Variants in MRPL48 observed in about 807,000 individuals in gnomAD.
MRPL48 encodes the protein mitochondrial ribosomal protein L48.
Under a neutral mutation model 32.9 loss-of-function variants are expected in MRPL48, and 16 were observed. The ratio of observed to expected loss-of-function variants is 0.49; its 90% confidence interval spans 0.33 to 0.74. The LOEUF (loss-of-function observed/expected upper bound fraction) is 0.74, where lower values mean the gene tolerates loss of function less well. Among genes scored for constraint, MRPL48 ranks in the 30% least tolerant of loss-of-function variants. MRPL48 has a pLI of 0.02. For synonymous variants in MRPL48, 94 were observed against 89.2 expected, an observed-to-expected ratio of 1.05 and a Z score of -0.31; for missense variants, 206 against 245.3, an observed-to-expected ratio of 0.84 and a Z score of 1.07.
intron 5 of MRPL48, among the ~76,000 whole-genome samples, chr11:73,859,402 C>T (rs1948543508): frequency 6.6e-6 from 1 of 151,988 alleles, no homozygotes; most frequent in Admixed American, 6.6e-5. Flanking sequence ...CCACCTCAGC[C>T]TCCTGAGTAG....
chr11:73,806,277 C>T (rs907808634), intron 2 of MRPL48, among the ~76,000 whole-genome samples: 3 of 152,110 alleles, frequency 2.0e-5, no homozygotes, highest in Non-Finnish European at 2.9e-5. Flanking sequence ...TAATCTGTAT[C>T]CTCATTTTAT....
chr11:73,810,461 C>T (rs1238345702), intron 3 of MRPL48, among the ~76,000 whole-genome samples: 6 of 151,974 alleles, frequency 3.9e-5, no homozygotes, highest in Admixed American at 3.9e-4. Flanking sequence ...GCGGAGGTTG[C>T]AGTGAGCCGA....
At chr11:73,822,230 T>TACTCTGCTTTCAAGAATGCAG (rs2135002713) in intron 3 of MRPL48, among the ~76,000 whole-genome samples, 1 of 152,306 alleles carries the variant, frequency 6.6e-6, no homozygotes, top group African/African-American at 2.4e-5. Context: ...GGTAAACTCT[T>TACTCTGCTTTCAAGAATGCAG]ACTCTGCTTT....
chr11:73,860,318 T>G lies in MRPL48; in HGVS notation c.474+309T>G, dbSNP rs114137998. ...TCTACTGGCCTTCTCGACTTGGATG[T>G]TCCACAGGAGTCCTCCCTGCACTCT... On this transcript the variant is annotated intron_variant, in intron 6 of 7. Transcript: ENST00000310614. The G allele has an allele frequency of 4.0e-3, 879 of 217,788 alleles. 8 individuals carry two copies. Among genetic ancestry groups the G allele is most frequent in the African/African-American group, 0.018 (772 of 43,738 alleles). 13.5% of individuals were successfully genotyped at this position (217,788 alleles called of 1,614,324 possible). A position where few individuals can be genotyped will look rare whatever the true frequency, so the allele number is the denominator to read the frequency against.
At position 73,810,419 on chromosome 11, in the gene MRPL48, G is replaced by T. The variant is rs555153112; in HGVS notation, c.112+2069G>T. Among the ~76,000 whole-genome samples the T allele has an allele frequency of 4.9e-4, 75 of 152,298 alleles. 1 individual carries two copies. Among genetic ancestry groups the T allele is most frequent in the Middle Eastern group, 3.4e-3 (1 of 294 alleles). On this transcript the variant is annotated intron_variant, in intron 3 of 7. Coordinates refer to ENST00000310614, the MANE Select transcript of MRPL48 (RefSeq NM_016055.6). ...GCCTGTAATCCCAGCTACTCGGGAGGCTGAGGCAGGAGAACCGCTTGAACT... is the reference window on the plus strand; with the variant it reads ...GCCTGTAATCCCAGCTACTCGGGAGTCTGAGGCAGGAGAACCGCTTGAACT...
chr11:73,818,007 CTTG>C lies in MRPL48; in HGVS notation c.113-7696_113-7694del, dbSNP rs538589218. 5.7e-4 allele frequency: 91 copies of C among 159,044 alleles called. 1 individual carries two copies. The Middle Eastern group carries it at 9.4e-3, about 16-fold the overall frequency. The allele number at this position is 159,044 out of a possible 1,614,324, so 9.9% of individuals were successfully genotyped here. On this transcript the variant is annotated intron_variant, in intron 3 of 7. Coordinates refer to ENST00000310614, the MANE Select transcript of MRPL48 (RefSeq NM_016055.6). Reference sequence around the variant, plus strand: ...TTTAAATTTTTTGTGAAGACAGGGTCTTGTTGTGTTGCCTAGGCTGGTCTTGAT... The same window carrying C: ...TTTAAATTTTTTGTGAAGACAGGGTCTTGTGTTGCCTAGGCTGGTCTTGAT...
rs1477777302 is a variant in MRPL48 at position 73,790,027 on chromosome 11, C to T, written c.21+2035C>T. ...TCTTTTCACTCAGCCTCATGAGCAGCGGGGATTACAGGTGTACACCACCAT... is the reference window on the plus strand; with the variant it reads ...TCTTTTCACTCAGCCTCATGAGCAGTGGGGATTACAGGTGTACACCACCAT... On this transcript the variant is annotated intron_variant, in intron 1 of 7. Transcript: ENST00000310614. 3.4e-5 allele frequency among the ~76,000 whole-genome samples: 5 copies of T among 148,260 alleles called. No homozygotes were observed. In the East Asian group the frequency reaches 6.0e-4, roughly 18 times the overall value.
At chr11:73,788,208 G>T (rs545094846) in intron 1 of MRPL48, among the ~76,000 whole-genome samples, 1 of 152,174 alleles carries the variant, frequency 6.6e-6, no homozygotes, top group African/African-American at 2.4e-5. Flanking sequence ...CTGCCGAGCC[G>T]ACCCGTGCCA....
At position 73,790,664 on chromosome 11, in the gene MRPL48, T is replaced by G. The variant is rs533913871; in HGVS notation, c.21+2672T>G. ...CTCCCAAAGTGCTGGGATTACAGGC[T>G]TGAGCAACCGTGCCTGGCCGCTCAG... On this transcript the variant is annotated intron_variant, in intron 1 of 7. Transcript: ENST00000310614. Among the ~76,000 whole-genome samples, 508 of 151,666 alleles carry G rather than the reference T, an allele frequency of 3.3e-3. 3 individuals carry two copies. Among genetic ancestry groups the G allele is most frequent in the Non-Finnish European group, 5.3e-3 (360 of 67,890 alleles).
intron 3 of MRPL48, among the ~76,000 whole-genome samples, chr11:73,811,571 C>A (rs1947568352): frequency 6.6e-6 from 1 of 152,112 alleles, no homozygotes; most frequent in South Asian, 2.1e-4. Context: ...TTTTGTCAGA[C>A]TTTCATTGTC....
intron 3 of MRPL48, among the ~76,000 whole-genome samples, chr11:73,812,244 T>C (rs1474407317): frequency 2.0e-5 from 3 of 152,160 alleles, no homozygotes; most frequent in Non-Finnish European, 4.4e-5. Context: ...TTGTGTATCT[T>C]TCAGGAAGAT....
At position 73,787,979 on chromosome 11, in the gene MRPL48, G is replaced by T. The variant is rs770662561; in HGVS notation, c.8G>T (p.Gly3Val). Reference sequence around the variant, plus strand: ...GCCGCGCAGCAGCAAAGGATGAGCGGAACCTTGGAAAAGGTAACGTAGATT... The same window carrying T: ...GCCGCGCAGCAGCAAAGGATGAGCGTAACCTTGGAAAAGGTAACGTAGATT... MS[G>V]TLEKVLCLRN... The change falls in exon 1 of 8, where the codon GGA becomes GTA. Residue 3 changes from glycine to valine, a missense_variant. Transcript: ENST00000310614. The T allele has an allele frequency of 1.9e-6, 3 of 1,606,558 alleles. No homozygotes were observed. Among genetic ancestry groups the T allele is most frequent in the Non-Finnish European group, 2.5e-6 (3 of 1,176,726 alleles).
At chr11:73,795,587 A>G (rs1489117552) in intron 1 of MRPL48, among the ~76,000 whole-genome samples, 2 of 151,906 alleles carry the variant, frequency 1.3e-5, no homozygotes, top group South Asian at 2.1e-4. Flanking sequence ...GCTCACTGCA[A>G]GCCCCGCCTC....
intron 5 of MRPL48, among the ~76,000 whole-genome samples, chr11:73,853,752 G>A (rs1948440959): frequency 7.6e-6 from 1 of 132,216 alleles, no homozygotes; most frequent in African/African-American, 3.1e-5. Context: ...GTGCAGTGGC[G>A]CGATCTCGGC....
intron 5 of MRPL48, chr11:73,850,642 G>A (rs1948371485): frequency 9.8e-6 from 3 of 305,304 alleles, no homozygotes; most frequent in South Asian, 8.9e-5. Context: ...TCTCTTCTTG[G>A]AGGTTTTTTA....
At chr11:73,847,446 C>CTT (rs563267858) in intron 5 of MRPL48, among the ~76,000 whole-genome samples, 2 of 142,140 alleles carry the variant, frequency 1.4e-5, no homozygotes, top group Non-Finnish European at 3.1e-5. Context: ...ATAGCAGTTC[C>CTT]TTTTTTTTTT....
At chr11:73,809,106 A>G (rs1947518942) in intron 3 of MRPL48, among the ~76,000 whole-genome samples, 2 of 152,152 alleles carry the variant, frequency 1.3e-5, no homozygotes, top group Admixed American at 1.3e-4. Flanking sequence ...ACTGCACTGC[A>G]GCCTGGGTGA....
At chr11:73,846,926 G>T (rs1948303027) in intron 5 of MRPL48, among the ~76,000 whole-genome samples, 1 of 150,516 alleles carries the variant, frequency 6.6e-6, no homozygotes, top group African/African-American at 2.4e-5. Flanking sequence ...AAAATTTTTT[G>T]TAGAGATGGG....
At chr11:73,826,793 TGAG>T (rs1947901741) in intron 4 of MRPL48, among the ~76,000 whole-genome samples, 1 of 148,284 alleles carries the variant, frequency 6.7e-6, no homozygotes, top group African/African-American at 2.5e-5. Flanking sequence ...TTTTTTTTTT[TGAG>T]ATGGAGTTTC....
Sources: gnomAD v4.1 joint callset for allele counts (sites outside exome capture counted in the v4.1 genomes callset) on GRCh38, gnomAD v4.1.1 for gene constraint, MANE v1.5 for transcripts, NCBI Gene and HGNC (gene_info 2026-07-23, HGNC 2026-07-21) for gene names.